Variants in PDS5A observed in about 807,000 individuals in gnomAD.
PDS5A encodes sister chromatid cohesion protein PDS5 homolog A.
Under a neutral mutation model 167.1 loss-of-function variants are expected in PDS5A, and 42 were observed. The observed-to-expected ratio is 0.25, with a 90% confidence interval of 0.20 to 0.33. The LOEUF is 0.33. Among genes scored for constraint, PDS5A ranks in the 10% least tolerant of loss-of-function variants. The probability of loss-of-function intolerance (pLI) is 1.00; values close to 1 mark genes in which losing one functional copy is unlikely to be tolerated. For missense variants in PDS5A, 1,033 were observed against 1,605.9 expected (o/e 0.64, Z 6.10); for synonymous variants, 553 against 554.6 (o/e 1.00, Z 0.04).
intron 8 of PDS5A, among the ~76,000 whole-genome samples, chr4:39,916,499 CTAAGA>C (rs1220056439): frequency 6.6e-6 from 1 of 152,116 alleles, no homozygotes; most frequent in African/African-American, 2.4e-5. Flanking sequence ...TTATAAATCT[CTAAGA>C]TAATACCATT....
chr4:39,920,484 T>C (rs1724855848), intron 6 of PDS5A, 85 bp from the exon 7 acceptor site: 2 of 513,690 alleles, frequency 3.9e-6, no homozygotes, highest in Non-Finnish European at 6.9e-6. Flanking sequence ...TCTTCAAATC[T>C]GTAATAAAAT....
At chr4:39,833,035 T>A (rs906180428) in intron 32 of PDS5A, among the ~76,000 whole-genome samples, 1 of 146,690 alleles carries the variant, frequency 6.8e-6, no homozygotes, top group African/African-American at 2.5e-5. Flanking sequence ...TAAATATATA[T>A]ATAAAATTAG....
At position 39,977,640 on chromosome 4, in the gene PDS5A, G is replaced by C. The variant is rs923153724; in HGVS notation, c.-224C>G. 1 of 152,270 alleles carries C rather than the reference G, an allele frequency of 6.6e-6. No homozygotes were observed. Among genetic ancestry groups the C allele is most frequent in the East Asian group, 1.9e-4 (1 of 5,184 alleles). The allele number at this position is 152,270 out of a possible 1,614,324, so 9.4% of individuals were successfully genotyped here. Reference sequence around the variant, plus strand: ...TGCCGAGGAGGAGCAGCCGCCGCGGGGGGAGACGCGGGGCGAGTGAGCGCT... The same window carrying C: ...TGCCGAGGAGGAGCAGCCGCCGCGGCGGGAGACGCGGGGCGAGTGAGCGCT... On this transcript the variant is annotated 5_prime_UTR_variant, in exon 1 of 33. Transcript: ENST00000303538. The surrounding 1 kb of genome is among the most constrained non-coding windows in gnomAD (Gnocchi z 4.2).
intron 32 of PDS5A, among the ~76,000 whole-genome samples, chr4:39,826,296 T>C (rs1043170499): frequency 6.6e-6 from 1 of 151,520 alleles, no homozygotes; most frequent in African/African-American, 2.4e-5. Context: ...CCTACTCCTC[T>C]TTGGGAGAAG....
Position 39,977,601 on chromosome 4 carries a change from G to A in PDS5A, c.-185C>T. On this transcript the variant is annotated 5_prime_UTR_variant, in exon 1 of 33. Transcript: ENST00000303538. This position sits in a 1 kb window ranked among gnomAD's most constrained non-coding sequence, Gnocchi z 4.2. ...CGCCGCCCGCCCGCCCGGGAGCGGC[G>A]CTGGGGCTGGCGGTGCCGAGGAGGA... 1 of 159,540 alleles carries A rather than the reference G, an allele frequency of 6.3e-6. No homozygotes were observed. Among genetic ancestry groups the A allele is most frequent in the Non-Finnish European group, 1.3e-5 (1 of 74,566 alleles). 9.9% of individuals were successfully genotyped at this position (159,540 alleles called of 1,614,324 possible). A position where few individuals can be genotyped will look rare whatever the true frequency, so the allele number is the denominator to read the frequency against.
intron 20 of PDS5A, 44 bp downstream of exon 20, chr4:39,874,245 A>T (rs754385828): frequency 6.5e-7 from 1 of 1,544,502 alleles, no homozygotes; most frequent in Non-Finnish European, 8.8e-7. Flanking sequence ...ATAGAGCTTA[A>T]AAAATAAAGA....
intron 19 of PDS5A, among the ~76,000 whole-genome samples, chr4:39,875,635 A>G (rs1344818509): frequency 1.3e-5 from 2 of 152,178 alleles, no homozygotes; most frequent in Non-Finnish European, 2.9e-5. Flanking sequence ...TTTGACATGT[A>G]TAAATATGCC....
At chr4:39,910,527 CAT>C (rs764389364) in intron 9 of PDS5A, among the ~76,000 whole-genome samples, 189 bp from the exon 10 acceptor site, 1 of 152,154 alleles carries the variant, frequency 6.6e-6, no homozygotes, top group Non-Finnish European at 1.5e-5. Flanking sequence ...TTCACAAAAA[CAT>C]ATTCACAAAC....
At chr4:39,958,491 A>G (rs1729172289) in intron 2 of PDS5A, among the ~76,000 whole-genome samples, 2 of 140,388 alleles carry the variant, frequency 1.4e-5, no homozygotes, top group African/African-American at 2.6e-5. Flanking sequence ...TGGGCCCAAG[A>G]GCGAAACTGT....
chr4:39,938,568 T>C (rs1255304950), intron 2 of PDS5A, among the ~76,000 whole-genome samples: 2 of 151,664 alleles, frequency 1.3e-5, no homozygotes. Flanking sequence ...AATACATATA[T>C]ATATATGTCT....
chr4:39,871,413 T>C (rs890003298), intron 21 of PDS5A, among the ~76,000 whole-genome samples: 8 of 152,112 alleles, frequency 5.3e-5, no homozygotes, highest in African/African-American at 1.9e-4. Context: ...AGCAAGGATA[T>C]GTAAGGGTAG....
intron 2 of PDS5A, among the ~76,000 whole-genome samples, chr4:39,963,622 G>C (rs552014727): frequency 6.6e-6 from 1 of 152,308 alleles, no homozygotes; most frequent in Admixed American, 6.5e-5. Flanking sequence ...GAGGTGGGTA[G>C]AATGCTTGAG....
chr4:39,857,171 T>C (rs1231558155), intron 26 of PDS5A, among the ~76,000 whole-genome samples: 1 of 151,642 alleles, frequency 6.6e-6, no homozygotes, highest in Non-Finnish European at 1.5e-5. Context: ...GCTAACACGG[T>C]GAAACCCCGT....
At chr4:39,859,314 C>T (rs1718792444) in intron 26 of PDS5A, among the ~76,000 whole-genome samples, 2 of 152,070 alleles carry the variant, frequency 1.3e-5, no homozygotes, top group South Asian at 4.2e-4. Context: ...GACTGGGTTT[C>T]CTGTCACCCA....
At chr4:39,846,586 C>T (rs554963528) in intron 28 of PDS5A, 2 of 152,102 alleles carry the variant, frequency 1.3e-5, no homozygotes, top group Non-Finnish European at 1.5e-5. Context: ...ACGATTTAAA[C>T]CAAATGTGGA....
intron 26 of PDS5A, among the ~76,000 whole-genome samples, chr4:39,861,797 C>T (rs1008747462): frequency 6.6e-6 from 1 of 152,056 alleles, no homozygotes; most frequent in Admixed American, 6.6e-5. Flanking sequence ...TATTATGTAT[C>T]AAAATTTTTT....
At position 39,873,074 on chromosome 4, in the gene PDS5A, A is replaced by G. The variant is rs1388830981; in HGVS notation, c.2348T>C (p.Ile783Thr). 1.2e-5 allele frequency: 19 copies of G among 1,559,282 alleles called. No individual in the cohort carries two copies. Among genetic ancestry groups the G allele is most frequent in the Non-Finnish European group, 1.6e-5 (18 of 1,142,428 alleles). The change falls in exon 21 of 33, where the codon ATT (isoleucine) becomes ACT (threonine). Residue 783 changes from isoleucine to threonine, a missense_variant. Transcript: ENST00000303538. Reference protein sequence around the residue: ...LITPLVSLGHISMLAPDQFAS... With the variant: ...LITPLVSLGHTSMLAPDQFAS... ...AAACTGATCTGGTGCTAACATAGAAATGTGGCCCAATGAAACTAATGGAGT... is the reference window on the plus strand; with the variant it reads ...AAACTGATCTGGTGCTAACATAGAAGTGTGGCCCAATGAAACTAATGGAGT...
chr4:39,902,341 A>G lies in PDS5A; in HGVS notation c.1499+6T>C, dbSNP rs1418978982. 1 of 1,269,962 alleles carries G rather than the reference A, an allele frequency of 7.9e-7. No individual in the cohort carries two copies. The highest frequency in any genetic ancestry group is 1.1e-6 in the Non-Finnish European group (1 of 886,776). 78.7% of individuals were successfully genotyped at this position (1,269,962 alleles called of 1,614,324 possible). On this transcript the variant is annotated splice_donor_region_variant and intron_variant, in intron 13 of 32. Coordinates refer to ENST00000303538, the MANE Select transcript of PDS5A (RefSeq NM_001100399.2). ...AAATACAGCAGTTATTTGAAAAGTA[A>G]CTTACTTTACAGCATTTGGATCCAA...
chr4:39,947,350 G>GA (rs1243522606), intron 2 of PDS5A, among the ~76,000 whole-genome samples: 6 of 152,004 alleles, frequency 3.9e-5, no homozygotes, highest in Non-Finnish European at 7.4e-5. Flanking sequence ...AGCTACTCAG[G>GA]AGACTGAGGC....
Sources: gnomAD v4.1 joint callset for allele counts (sites outside exome capture counted in the v4.1 genomes callset) on GRCh38, gnomAD v4.1.1 for gene constraint, Gnocchi (gnomAD v3.1) non-coding constraint, MANE v1.5 for transcripts, NCBI Gene and HGNC (gene_info 2026-07-23, HGNC 2026-07-21) for gene names.